GRM4: variants seen among roughly 807,000 people sequenced by gnomAD.
The protein encoded by GRM4 is glutamate metabotropic receptor 4.
A neutral mutation model predicts 81.7 loss-of-function variants in GRM4; 28 were observed. That is an observed-to-expected ratio of 0.34 (90% confidence interval 0.25 to 0.47). The LOEUF is 0.47. GRM4 is among the 20% of genes least tolerant of loss of function. The pLI, the probability that GRM4 is intolerant of heterozygous loss-of-function variation, is 1.00. For missense variants in GRM4, 948 were observed against 1,290.0 expected, an observed-to-expected ratio of 0.73 and a Z score of 4.06; for synonymous variants, 488 against 528.8, an observed-to-expected ratio of 0.92 and a Z score of 1.06.
intron 7 of GRM4, 35 bp downstream of exon 7, chr6:34,040,513 C>T: frequency 1.3e-6 from 2 of 1,579,634 alleles, no homozygotes; most frequent in Non-Finnish European, 1.7e-6. Context: ...GCCCAGGATA[C>T]CCAGGGTCAG....
intron 2 of GRM4, among the ~76,000 whole-genome samples, chr6:34,112,037 T>A (rs1340541490): frequency 6.6e-6 from 1 of 152,054 alleles, no homozygotes; most frequent in African/African-American, 2.4e-5. Context: ...GGGGGGGACA[T>A]GATCACTCCT....
At chr6:34,099,156 T>C (rs1270934024) in intron 2 of GRM4, among the ~76,000 whole-genome samples, 2 of 152,164 alleles carry the variant, frequency 1.3e-5, no homozygotes, top group Non-Finnish European at 2.9e-5. Context: ...AGGGAAACGA[T>C]GGCAGGGCCT....
rs1767222505 is a variant in GRM4, at chr6:34,074,709, C to A, written c.737-12681G>T. Among the ~76,000 whole-genome samples, 1 of 152,226 alleles carries A rather than the reference C, an allele frequency of 6.6e-6. No homozygotes were observed. The highest frequency in any genetic ancestry group is 2.4e-5 in the African/African-American group (1 of 41,438). On this transcript the variant is annotated intron_variant, in intron 3 of 10. Coordinates refer to ENST00000538487, the MANE Select transcript of GRM4 (RefSeq NM_000841.4). This position sits in a 1 kb window ranked among gnomAD's most constrained non-coding sequence, Gnocchi z 4.9. ...ATTTGCTGAGTGATCGACTTAATAT[C>A]TCAACACAAACCCACTTAGGCAAAA...
intron 6 of GRM4, among the ~76,000 whole-genome samples, chr6:34,049,122 G>A (rs1765490297): frequency 6.6e-6 from 1 of 151,994 alleles, no homozygotes; most frequent in Admixed American, 6.6e-5. Context: ...CTCATAAGAG[G>A]TGCCTCTGCT....
chr6:34,119,515 G>A (rs890079115), intron 2 of GRM4, among the ~76,000 whole-genome samples: 2 of 152,210 alleles, frequency 1.3e-5, no homozygotes, highest in African/African-American at 4.8e-5. Flanking sequence ...GGTGTCACAG[G>A]GCACCACGGC....
chr6:34,026,441 G>A (rs972911913), intron 10 of GRM4, among the ~76,000 whole-genome samples: 1 of 152,118 alleles, frequency 6.6e-6, no homozygotes, highest in African/African-American at 2.4e-5. Context: ...TTTCAGAGGG[G>A]AGGATGCCAA....
At chr6:34,062,181 C>G (rs1288134784) in intron 3 of GRM4, 153 bp from the exon 4 acceptor site, 1 of 745,172 alleles carries the variant, frequency 1.3e-6, no homozygotes, top group African/African-American at 1.8e-5. Context: ...TGGATATGGG[C>G]TGTGCAGTCA....
intron 1 of GRM4, among the ~76,000 whole-genome samples, chr6:34,138,971 T>C (rs1210005869): frequency 6.6e-6 from 1 of 152,220 alleles, no homozygotes; most frequent in Non-Finnish European, 1.5e-5. Context: ...TAAGGATTGA[T>C]TCAGCTATAA....
chr6:34,072,117 CCACA>C (rs1171463517), intron 3 of GRM4, among the ~76,000 whole-genome samples: 2 of 116,210 alleles, frequency 1.7e-5, no homozygotes, highest in Admixed American at 9.2e-5. Context: ...CAGATACACA[CCACA>C]CATAGACACA....
upstream of GRM4, among the ~76,000 whole-genome samples, chr6:34,149,026 T>C (rs1770995688): frequency 6.6e-6 from 1 of 152,210 alleles, no homozygotes; most frequent in Non-Finnish European, 1.5e-5. Context: ...CTGTGTTTCA[T>C]ACCTGTGTGA....
intron 3 of GRM4, among the ~76,000 whole-genome samples, chr6:34,073,794 G>C (rs1487227576): frequency 6.6e-6 from 1 of 152,100 alleles, no homozygotes; most frequent in African/African-American, 2.4e-5. Context: ...CCTTTCCCAC[G>C]GAGGCCCTGC....
chr6:34,148,953 A>G (rs1561840356), upstream of GRM4, among the ~76,000 whole-genome samples: 1 of 152,158 alleles, frequency 6.6e-6, no homozygotes. Flanking sequence ...GGGAAGGGGA[A>G]GGGTGAAGGG....
Position 34,089,995 on chromosome 6 carries a change from C to T in GRM4, c.736+1888G>A, listed in dbSNP as rs1405634722. On this transcript the variant is annotated intron_variant, in intron 3 of 10. Coordinates refer to ENST00000538487, the MANE Select transcript of GRM4 (RefSeq NM_000841.4). This position sits in a 1 kb window ranked among gnomAD's most constrained non-coding sequence, Gnocchi z 4.3. Reference sequence around the variant, plus strand: ...GACCTCTAGTTCCGGAGCCAGCCATCCTGGGTTCAAATCCCTTCTCCACCT... The same window carrying T: ...GACCTCTAGTTCCGGAGCCAGCCATTCTGGGTTCAAATCCCTTCTCCACCT... Among the ~76,000 whole-genome samples, 1 of 152,198 alleles carries T rather than the reference C, an allele frequency of 6.6e-6. No individual in the cohort carries two copies. The highest frequency in any genetic ancestry group is 1.5e-5 in the Non-Finnish European group (1 of 68,038).
rs1297093436 is a variant in GRM4, at chr6:34,042,755, A to G, written c.1169-2007T>C. On this transcript the variant is annotated intron_variant, in intron 6 of 10. Transcript: ENST00000538487. The surrounding 1 kb of genome is among the most constrained non-coding windows in gnomAD (Gnocchi z 4.2). ...GGGGACTCCAGAGGTCACTGTGTCC[A>G]GCCCCCTGCCTTGGACACCCTGAAG... 6.6e-6 allele frequency among the ~76,000 whole-genome samples: 1 copy of G among 152,164 alleles called. No individual in the cohort carries two copies. Among genetic ancestry groups the G allele is most frequent in the Admixed American group, 6.5e-5 (1 of 15,286 alleles).
intron 5 of GRM4, 113 bp downstream of exon 5, chr6:34,058,861 G>A: frequency 1.2e-6 from 1 of 828,098 alleles, no homozygotes; most frequent in South Asian, 1.7e-5. Flanking sequence ...GGCCAAGGAA[G>A]AGAAAAGGAA....
chr6:34,146,795 C>T (rs572885825), upstream of GRM4, among the ~76,000 whole-genome samples: 1 of 152,264 alleles, frequency 6.6e-6, no homozygotes, highest in South Asian at 2.1e-4. Context: ...TGGCAGGACT[C>T]GGCCAACCCT....
chr6:34,148,638 A>T (rs1770988947), upstream of GRM4, among the ~76,000 whole-genome samples: 1 of 152,180 alleles, frequency 6.6e-6, no homozygotes, highest in African/African-American at 2.4e-5. Flanking sequence ...TCGTGCTCTG[A>T]CTGGGAAGAG....
intron 4 of GRM4, chr6:34,060,052 C>G (rs1766099946): frequency 6.6e-6 from 1 of 152,396 alleles, no homozygotes; most frequent in Non-Finnish European, 1.5e-5. Context: ...GACTCCAGGG[C>G]TGGGGGGTGG....
chr6:34,125,976 C>G (rs1438409859), intron 2 of GRM4, among the ~76,000 whole-genome samples: 1 of 152,238 alleles, frequency 6.6e-6, no homozygotes, highest in African/African-American at 2.4e-5. Flanking sequence ...TATCCCTAGC[C>G]TCCCCTGAGC....
Sources: gnomAD v4.1 joint callset for allele counts (sites outside exome capture counted in the v4.1 genomes callset) on GRCh38, gnomAD v4.1.1 for gene constraint, Gnocchi (gnomAD v3.1) non-coding constraint, MANE v1.5 for transcripts, NCBI Gene and HGNC (gene_info 2026-07-23, HGNC 2026-07-21) for gene names.